The following GOLM1 variants were observed in gnomAD, a reference collection of about 807,000 sequenced individuals.
GOLM1 encodes the protein epididymis luminal protein 46.
Under a neutral mutation model 50.5 loss-of-function variants are expected in GOLM1, and 31 were observed. The observed-to-expected ratio is 0.61, with a 90% confidence interval of 0.46 to 0.83. The LOEUF is 0.83. Ranked by LOEUF, GOLM1 falls within the 40% of genes least tolerant of loss-of-function variation. The probability of loss-of-function intolerance (pLI) is 0.00; values close to 1 mark genes in which losing one functional copy is unlikely to be tolerated. For synonymous variants in GOLM1, 178 were observed against 192.8 expected (o/e 0.92, Z 0.64); for missense variants, 491 against 501.3 (o/e 0.98, Z 0.20).
chr9:86,076,767 A>C (rs982630694), intron 3 of GOLM1, among the ~76,000 whole-genome samples: 1 of 151,570 alleles, frequency 6.6e-6, no homozygotes, highest in Non-Finnish European at 1.5e-5. Context: ...CAGGAGGCTG[A>C]GGCAGGAGAA....
chr9:86,034,484 C>T (rs1833074862), intron 8 of GOLM1, among the ~76,000 whole-genome samples: 1 of 152,182 alleles, frequency 6.6e-6, no homozygotes, highest in Admixed American at 6.5e-5. Flanking sequence ...GGGTCTGACA[C>T]TGGAGCGCCA....
intron 3 of GOLM1, among the ~76,000 whole-genome samples, chr9:86,054,403 G>A (rs567547744): frequency 9.3e-4 from 141 of 152,196 alleles, no homozygotes; most frequent in Non-Finnish European, 9.3e-4. Context: ...AAGTAGCTGG[G>A]AGTAGAGATG....
chr9:86,035,531 A>C lies in GOLM1; in HGVS notation c.852T>G (p.Pro284=), dbSNP rs761522277. The change falls in exon 8 of 10, where the codon CCT becomes CCG. Residue 284 remains proline (P), a synonymous_variant. Coordinates refer to ENST00000388712, the MANE Select transcript of GOLM1 (RefSeq NM_016548.4). Reference sequence around the variant, plus strand: ...CTCCCCCGAAGCCTCTTCCACCTACAGGTCTGTCTTCCACCACCTGCTCCC... The same window carrying C: ...CTCCCCCGAAGCCTCTTCCACCTACCGGTCTGTCTTCCACCACCTGCTCCC... ...PGREQVVEDR[P]VGGRGFGGAG... 3 of 1,612,134 alleles carry C rather than the reference A, an allele frequency of 1.9e-6. No homozygotes were observed. The highest frequency in any genetic ancestry group is 2.5e-6 in the Non-Finnish European group (3 of 1,179,994).
chr9:86,071,146 G>A (rs1392956271), intron 3 of GOLM1, among the ~76,000 whole-genome samples: 1 of 151,488 alleles, frequency 6.6e-6, no homozygotes. Flanking sequence ...CACCTAGGCT[G>A]GAGCACAGTG....
chr9:86,069,691 T>A (rs546315386), intron 3 of GOLM1, among the ~76,000 whole-genome samples: 1 of 152,306 alleles, frequency 6.6e-6, no homozygotes, highest in South Asian at 2.1e-4. Context: ...CACCTAGCCT[T>A]CCACATGGGC....
intron 3 of GOLM1, 131 bp from the exon 4 acceptor site, chr9:86,052,722 CGCTCAG>C: frequency 1.4e-6 from 1 of 705,778 alleles, no homozygotes; most frequent in Non-Finnish European, 2.5e-6. Flanking sequence ...TCGCACTCAG[CGCTCAG>C]GCTGGGCCCT....
intron 4 of GOLM1, among the ~76,000 whole-genome samples, chr9:86,047,417 C>T (rs1564344908): frequency 6.6e-6 from 1 of 152,208 alleles, no homozygotes; most frequent in African/African-American, 2.4e-5. Context: ...TGGAAGCGTT[C>T]CGTGAATTAC....
chr9:86,062,114 G>T (rs1003171853), intron 3 of GOLM1, among the ~76,000 whole-genome samples: 3 of 152,182 alleles, frequency 2.0e-5, no homozygotes, highest in Non-Finnish European at 4.4e-5. Context: ...ACACATCCCT[G>T]TGTTGTCACA....
rs369994905 is a variant in GOLM1, at chr9:86,052,569, G to A, written c.332C>T (p.Thr111Ile). The change falls in exon 4 of 10, where the codon ACC becomes ATC. Residue 111 changes from threonine (T) to isoleucine (I), a missense_variant. Transcript: ENST00000388712. ...DEKAVLVNNITTGERLIRVLQ... is the reference protein window; with the variant it reads ...DEKAVLVNNIITGERLIRVLQ... ...CACTCGGATGAGCCTCTCACCTGTG[G>A]TGATGTTATTCACCAAAACCGCCTG... The A allele has an allele frequency of 3.7e-6, 6 of 1,613,658 alleles. No individual in the cohort carries two copies. Among genetic ancestry groups the A allele is most frequent in the Non-Finnish European group, 4.2e-6 (5 of 1,179,730 alleles).
At chr9:86,049,707 CATTG>C (rs1260909365) in intron 4 of GOLM1, among the ~76,000 whole-genome samples, 2 of 152,132 alleles carry the variant, frequency 1.3e-5, no homozygotes, top group Non-Finnish European at 2.9e-5. Flanking sequence ...GATTTTTGCA[CATTG>C]ATTTTGTATT....
intron 3 of GOLM1, 55 bp from the exon 4 acceptor site, chr9:86,052,646 G>A: frequency 8.8e-6 from 13 of 1,480,908 alleles, no homozygotes; most frequent in Non-Finnish European, 9.4e-6. Context: ...CAGCCTGACA[G>A]CCAGATGTGA....
In GOLM1 at chr9:86,035,239, G is replaced by A. The variant is rs906947006; in HGVS notation, c.1015+129C>T. The A allele has an allele frequency of 2.2e-5, 34 of 1,520,594 alleles. No individual in the cohort carries two copies. The African/African-American group carries it at 4.3e-4, about 19-fold the overall frequency. 94.2% of individuals were successfully genotyped at this position (1,520,594 alleles called of 1,614,324 possible). ...GAATAAGAAACCTTCAAACGAAAAG[G>A]AATTGGCAAATTGTGGACTGCTGTT... On this transcript the variant is annotated intron_variant, in intron 8 of 9. Transcript: ENST00000388712.
At chr9:86,090,639 A>G (rs1835147464) in intron 1 of GOLM1, among the ~76,000 whole-genome samples, 1 of 152,060 alleles carries the variant, frequency 6.6e-6, no homozygotes, top group Non-Finnish European at 1.5e-5. Flanking sequence ...GCTGGCAGCA[A>G]GAATTTCAAG....
At chr9:86,043,104 C>G (rs1833412035) in intron 5 of GOLM1, among the ~76,000 whole-genome samples, 1 of 152,120 alleles carries the variant, frequency 6.6e-6, no homozygotes, top group African/African-American at 2.4e-5. Context: ...CCCAGGGCAC[C>G]GACCATCACT....
At position 86,036,505 on chromosome 9, in the gene GOLM1, G is replaced by A. The variant is rs557826127; in HGVS notation, c.600C>T (p.Leu200=). ...TGGGCTGAGGCTCACTGAGGGCTTGGAGCTGAAACAGAAGCACAGGACAGC... is the reference window on the plus strand; with the variant it reads ...TGGGCTGAGGCTCACTGAGGGCTTGAAGCTGAAACAGAAGCACAGGACAGC... ...LSENNDQRQQ[L]QALSEPQPRL... The change falls in exon 7 of 10, where the codon CTC becomes CTT. Residue 200 remains leucine (L), a splice_region_variant and synonymous_variant. Transcript: ENST00000388712. The A allele has an allele frequency of 1.9e-6, 3 of 1,613,892 alleles. No individual in the cohort carries two copies. In the African/African-American group the frequency reaches 4.0e-5, roughly 22 times the overall value.
intron 3 of GOLM1, among the ~76,000 whole-genome samples, chr9:86,063,601 A>C (rs1029523374): frequency 6.6e-6 from 1 of 152,150 alleles, no homozygotes; most frequent in African/African-American, 2.4e-5. Flanking sequence ...TAAGTGAAAA[A>C]ACAGCTACCT....
chr9:86,061,282 T>C (rs1402622854), intron 3 of GOLM1, among the ~76,000 whole-genome samples: 2 of 152,134 alleles, frequency 1.3e-5, no homozygotes, highest in Non-Finnish European at 1.5e-5. Context: ...AAAAGAAAGG[T>C]GAATTAGAAG....
chr9:86,085,788 G>A (rs7857998), intron 1 of GOLM1, among the ~76,000 whole-genome samples: 36,702 of 151,926 alleles, frequency 0.24, 7,529 homozygotes, highest in African/African-American at 0.54. Context: ...AGCTTCATCC[G>A]TGTCCCTGGC....
intron 9 of GOLM1, among the ~76,000 whole-genome samples, chr9:86,031,301 T>C (rs1045302893): frequency 2.6e-5 from 4 of 152,112 alleles, no homozygotes; most frequent in Admixed American, 2.0e-4. Flanking sequence ...CCCTGAGGAT[T>C]TCTGCTGAAT....
Sources: gnomAD v4.1 joint callset for allele counts (sites outside exome capture counted in the v4.1 genomes callset) on GRCh38, gnomAD v4.1.1 for gene constraint, MANE v1.5 for transcripts, NCBI Gene and HGNC (gene_info 2026-07-23, HGNC 2026-07-21) for gene names.